Variants in NEDD9 observed in about 807,000 individuals in gnomAD.
NEDD9 encodes the protein enhancer of filamentation 1.
NEDD9 carries 26 observed loss-of-function variants against 76.6 expected under a neutral mutation model. The ratio of observed to expected loss-of-function variants is 0.34; its 90% CI spans 0.25 to 0.47. The LOEUF (loss-of-function observed/expected upper bound fraction) is 0.47, where lower values mean the gene tolerates loss of function less well. Ranked by LOEUF, NEDD9 falls within the 20% of genes least tolerant of loss-of-function variation. The probability of loss-of-function intolerance (pLI) is 1.00; values close to 1 mark genes in which losing one functional copy is unlikely to be tolerated. For missense variants in NEDD9, 937 were observed against 1,058.5 expected (o/e 0.89, Z 1.59); for synonymous variants, 392 against 414.2 (o/e 0.95, Z 0.65).
chr6:11,262,576 T>G (rs1760134330), intron 3 of NEDD9, among the ~76,000 whole-genome samples: 1 of 152,254 alleles, frequency 6.6e-6, no homozygotes, highest in African/African-American at 2.4e-5. Flanking sequence ...GAAATATGAC[T>G]ATTCTGGAAG....
upstream of NEDD9, among the ~76,000 whole-genome samples, chr6:11,235,947 G>A (rs779650817): frequency 6.6e-6 from 1 of 152,266 alleles, no homozygotes; most frequent in South Asian, 2.1e-4. The surrounding 1 kb of genome is among the most constrained non-coding windows in gnomAD (Gnocchi z 4.1). Flanking sequence ...TCTCCGGTTT[G>A]TTAAACACTC....
At chr6:11,231,723 G>T (rs1198710785) in intron 1 of NEDD9, among the ~76,000 whole-genome samples, 2 of 152,060 alleles carry the variant, frequency 1.3e-5, no homozygotes, top group African/African-American at 4.8e-5. Flanking sequence ...AGGGGAGGGG[G>T]GAATATACGG....
At position 11,225,744 on chromosome 6, in the gene NEDD9, G is replaced by A. The variant is rs568993188; in HGVS notation, c.12+6760C>T. 1.6e-4 allele frequency among the ~76,000 whole-genome samples: 24 copies of A among 150,444 alleles called. 1 individual carries two copies. In the East Asian group the frequency reaches 3.5e-3, roughly 22 times the overall value. On this transcript the variant is annotated intron_variant, in intron 1 of 6. Coordinates refer to ENST00000379446, the MANE Select transcript of NEDD9 (RefSeq NM_006403.4). The stretch of plus-strand genomic sequence containing the variant: ...TCTGGATCTCCTGACCTCGTGATCC[G>A]CCTGCCTCGGCCTCCCAAAGTGCTG...
intron 3 of NEDD9, among the ~76,000 whole-genome samples, chr6:11,279,314 C>T (rs1760481636): frequency 6.6e-6 from 1 of 152,238 alleles, no homozygotes; most frequent in African/African-American, 2.4e-5. Flanking sequence ...TTCACTTGCT[C>T]CTGATTCATG....
chr6:11,296,854 G>A (rs1760907994), intron 3 of NEDD9, among the ~76,000 whole-genome samples: 1 of 152,044 alleles, frequency 6.6e-6, no homozygotes, highest in Non-Finnish European at 1.5e-5. Context: ...TCAGCCTCCG[G>A]AGTAGCTGGG....
At chr6:11,352,287 C>A (rs1265894190) in intron 1 of NEDD9, 1 of 151,416 alleles carries the variant, frequency 6.6e-6, no homozygotes. Context: ...ATCTTGTCCT[C>A]ATGGGCAGTG....
At chr6:11,225,806 T>A (rs1199133756) in intron 1 of NEDD9, among the ~76,000 whole-genome samples, 7 of 151,604 alleles carry the variant, frequency 4.6e-5, no homozygotes, top group East Asian at 3.9e-4. Flanking sequence ...CGGCCTTTTT[T>A]TTTTTTTTTT....
intron 3 of NEDD9, among the ~76,000 whole-genome samples, chr6:11,261,121 G>C (rs1760102325): frequency 6.6e-6 from 1 of 152,190 alleles, no homozygotes; most frequent in Admixed American, 6.5e-5. Context: ...TGCAAGATTT[G>C]AGAGGACTGA....
chr6:11,338,612 C>A (rs560836224), intron 1 of NEDD9, among the ~76,000 whole-genome samples: 2 of 152,246 alleles, frequency 1.3e-5, no homozygotes, highest in African/African-American at 4.8e-5. Flanking sequence ...AAGGAATGGA[C>A]GCATTCCAGC....
intron 1 of NEDD9, among the ~76,000 whole-genome samples, chr6:11,357,872 G>T (rs946864579): frequency 1.3e-5 from 2 of 152,146 alleles, no homozygotes; most frequent in Non-Finnish European, 2.9e-5. Context: ...GTGAGTCTGC[G>T]GTGATGAGTG....
At chr6:11,267,383 GAA>G (rs532016064) in intron 3 of NEDD9, among the ~76,000 whole-genome samples, 266 of 126,416 alleles carry the variant, frequency 2.1e-3, no homozygotes, top group African/African-American at 3.4e-3. Context: ...AGATGTCTTT[GAA>G]AAAAAAAAAA....
At chr6:11,228,870 C>T (rs1036440170) in intron 1 of NEDD9, among the ~76,000 whole-genome samples, 1 of 152,146 alleles carries the variant, frequency 6.6e-6, no homozygotes, top group Non-Finnish European at 1.5e-5. Flanking sequence ...CCATAGATCT[C>T]ATACAAGGTT....
chr6:11,223,833 C>T (rs1759222061), intron 1 of NEDD9, among the ~76,000 whole-genome samples: 1 of 152,094 alleles, frequency 6.6e-6, no homozygotes. Context: ...AAGAGAGCAC[C>T]TTGTTATTTA....
Position 11,185,742 on chromosome 6 carries a change from G to A in NEDD9, c.1996-71C>T, listed in dbSNP as rs138018328. On this transcript the variant is annotated intron_variant, in intron 6 of 6. Transcript: ENST00000379446. The stretch of plus-strand genomic sequence containing the variant: ...TTGCAATGGAAATTCACTAGGCCTT[G>A]GAGTTAAAAGACAGGGATTTTAGTC... 2.3e-4 allele frequency: 354 copies of A among 1,554,942 alleles called. 1 individual carries two copies. The highest frequency in any genetic ancestry group is 1.8e-3 in the African/African-American group (135 of 73,696).
intron 3 of NEDD9, among the ~76,000 whole-genome samples, chr6:11,275,853 T>C (rs542378203): frequency 6.6e-6 from 1 of 152,166 alleles, no homozygotes; most frequent in Non-Finnish European, 1.5e-5. Context: ...CTACTCAAAC[T>C]GGGGGAGGAT....
At chr6:11,306,995 T>A in intron 2 of NEDD9, among the ~76,000 whole-genome samples, 1 of 152,200 alleles carries the variant, frequency 6.6e-6, no homozygotes, top group Non-Finnish European at 1.5e-5. Flanking sequence ...TATATATCCT[T>A]AGAAAAACCC....
At position 11,201,531 on chromosome 6, in the gene NEDD9, T is replaced by G. The variant is rs868752926; in HGVS notation, c.460-7839A>C. 7.2e-5 allele frequency among the ~76,000 whole-genome samples: 11 copies of G among 152,220 alleles called. No individual in the cohort carries two copies. The Middle Eastern group carries it at 0.014, about 188-fold the overall frequency. ...AAAAAACGAAGCAGAAAAATCCTAC[T>G]CTTTGAAAGGAAGAGTTGGGTAGAG... is the stretch of plus-strand genomic sequence containing the variant. On this transcript the variant is annotated intron_variant, in intron 2 of 6. Coordinates refer to ENST00000379446, the MANE Select transcript of NEDD9 (RefSeq NM_006403.4).
chr6:11,197,759 A>T (rs1406067481), intron 2 of NEDD9, among the ~76,000 whole-genome samples: 1 of 152,138 alleles, frequency 6.6e-6, no homozygotes, highest in Non-Finnish European at 1.5e-5. Context: ...TTTGATCCAC[A>T]CTGTTTTGAG....
intron 3 of NEDD9, among the ~76,000 whole-genome samples, chr6:11,292,374 T>C (rs190099553): frequency 6.6e-6 from 1 of 152,246 alleles, no homozygotes; most frequent in Non-Finnish European, 1.5e-5. Flanking sequence ...ATTTCTGCAA[T>C]GCAGCTGGAC....
Sources: allele counts gnomAD v4.1 joint callset (sites outside exome capture counted in the v4.1 genomes callset), GRCh38; gene constraint gnomAD v4.1.1; non-coding constraint Gnocchi (gnomAD v3.1); transcripts MANE v1.5; gene names NCBI Gene and HGNC (gene_info 2026-07-23, HGNC 2026-07-21).